The following NRIP3 variants were observed in gnomAD, a reference collection of about 807,000 sequenced individuals.
NRIP3 encodes the protein nuclear receptor-interacting protein 3.
NRIP3 carries 31 observed loss-of-function variants against 29.0 expected under a neutral mutation model. The observed-to-expected ratio is 1.07, with a 90% CI of 0.80 to 1.44. The LOEUF is 1.44. Ranked by LOEUF, NRIP3 falls within the 40% of genes most tolerant of loss-of-function variation. The pLI is 0.00. For missense variants in NRIP3, 314 were observed against 297.9 expected (o/e 1.05, Z -0.40); for synonymous variants, 131 against 118.3 (o/e 1.11, Z -0.70).
rs1379057700 is a variant in NRIP3 at position 8,988,256 on chromosome 11, G to A, written c.201C>T (p.Arg67=). The change falls in exon 2 of 7, where the codon CGC becomes CGT. Residue 67 remains arginine (R), a synonymous_variant. Coordinates refer to ENST00000309166, the MANE Select transcript of NRIP3 (RefSeq NM_020645.3). Reference sequence around the variant, plus strand: ...GCTTAGACAGGTTGGTTTCCATGAGGCGCCTCTGCAGAATATTATGAGGTT... The same window carrying A: ...GCTTAGACAGGTTGGTTTCCATGAGACGCCTCTGCAGAATATTATGAGGTT... ...DMQPHNILQR[R]LMETNLSKLR... is the part of the protein sequence containing the mutation. 49 of 1,614,010 alleles carry A rather than the reference G, an allele frequency of 3.0e-5. No homozygotes were observed. Among genetic ancestry groups the A allele is most frequent in the Non-Finnish European group, 4.1e-5 (48 of 1,180,006 alleles).
At chr11:8,993,974 A>G (rs760816208) in intron 1 of NRIP3, among the ~76,000 whole-genome samples, 1 of 152,168 alleles carries the variant, frequency 6.6e-6, no homozygotes, top group Non-Finnish European at 1.5e-5. Context: ...AAAATTTTAA[A>G]TAAAAATATA....
At chr11:8,990,252 A>T (rs1007239759) in intron 1 of NRIP3, among the ~76,000 whole-genome samples, 1 of 152,174 alleles carries the variant, frequency 6.6e-6, no homozygotes, top group African/African-American at 2.4e-5. Context: ...TTAAAAAAAG[A>T]CTAAACCATG....
chr11:8,982,883 T>C lies in NRIP3; in HGVS notation c.*662A>G. The C allele has an allele frequency of 2.2e-6, 1 of 444,520 alleles. No individual in the cohort carries two copies. The allele number at this position is 444,520 out of a possible 1,614,324, so 27.5% of individuals were successfully genotyped here. On this transcript the variant is annotated 3_prime_UTR_variant, in exon 7 of 7. Coordinates refer to ENST00000309166, the MANE Select transcript of NRIP3 (RefSeq NM_020645.3). ...ACCTCTTTGCCCTCCTGTTAAAGGC[T>C]TGAATACAAATGAGGCAGCATGGGA...
chr11:9,004,040 G>A, upstream of NRIP3: 1 of 1,167,332 alleles, frequency 8.6e-7, no homozygotes. Flanking sequence ...ATAGCCGAGC[G>A]TGACGTCGCG....
intron 1 of NRIP3, among the ~76,000 whole-genome samples, chr11:8,989,272 T>TCTTA (rs1854562273): frequency 6.6e-6 from 1 of 152,012 alleles, no homozygotes; most frequent in Non-Finnish European, 1.5e-5. Flanking sequence ...CTGGAGAAAT[T>TCTTA]TGTATACACA....
At chr11:9,000,977 G>A (rs1007699491) in intron 1 of NRIP3, among the ~76,000 whole-genome samples, 3 of 152,052 alleles carry the variant, frequency 2.0e-5, no homozygotes, top group Non-Finnish European at 4.4e-5. Context: ...GTTGAGGTGG[G>A]AGGATCTCTT....
In NRIP3 at chr11:8,985,777, C is replaced by T. The variant is rs1360698161; in HGVS notation, c.496G>A (p.Gly166Ser). The T allele has an allele frequency of 6.2e-7, 1 of 1,613,958 alleles. No individual in the cohort carries two copies. Among genetic ancestry groups the T allele is most frequent in the African/African-American group, 1.3e-5 (1 of 74,892 alleles). ...LSLPRHLKVV[G>S]QIEHLVITLG... ...GTGATCACTAGGTGCTCAATCTGGCCCACTACTTTGAGATGCCGGGGTAGA... is the reference window on the plus strand; with the variant it reads ...GTGATCACTAGGTGCTCAATCTGGCTCACTACTTTGAGATGCCGGGGTAGA... Residue 166 changes from glycine to serine, a missense_variant, in exon 4 of 7, where the codon GGC (glycine) becomes AGC (serine). Gly to Ser is a moderately conservative substitution (Grantham distance 56). Transcript: ENST00000309166.
intron 1 of NRIP3, among the ~76,000 whole-genome samples, chr11:8,994,375 T>A (rs1359231546): frequency 6.6e-6 from 1 of 152,222 alleles, no homozygotes; most frequent in Non-Finnish European, 1.5e-5. Flanking sequence ...TTAGCTTTTA[T>A]AATCTCTATA....
At chr11:8,994,395 A>G (rs895723510) in intron 1 of NRIP3, among the ~76,000 whole-genome samples, 1 of 152,268 alleles carries the variant, frequency 6.6e-6, no homozygotes, top group African/African-American at 2.4e-5. Flanking sequence ...AGAGGAGTTC[A>G]GCATAAAGAA....
At chr11:8,995,029 A>G (rs1854676308) in intron 1 of NRIP3, among the ~76,000 whole-genome samples, 1 of 151,012 alleles carries the variant, frequency 6.6e-6, no homozygotes, top group Non-Finnish European at 1.5e-5. Context: ...TTTCTATCAA[A>G]CTTGCGCATT....
intron 3 of NRIP3, 74 bp downstream of exon 3, chr11:8,987,472 ATC>A: frequency 9.5e-7 from 1 of 1,058,160 alleles, no homozygotes; most frequent in East Asian, 2.4e-5. Flanking sequence ...GACCCTCACC[ATC>A]TCTAACCATA....
At chr11:8,983,595 C>A in intron 6 of NRIP3, 35 bp from the exon 7 acceptor site, 1 of 1,604,874 alleles carries the variant, frequency 6.2e-7, no homozygotes, top group South Asian at 1.1e-5. Context: ...AGAAATAATG[C>A]CAAATTCAAA....
intron 3 of NRIP3, 58 bp downstream of exon 3, chr11:8,987,488 TAG>T: frequency 8.3e-7 from 1 of 1,202,404 alleles, no homozygotes. Flanking sequence ...AACCATAAAA[TAG>T]AGTCAAGCGA....
intron 1 of NRIP3, among the ~76,000 whole-genome samples, chr11:8,998,414 C>A (rs1454869750): frequency 2.0e-5 from 3 of 152,190 alleles, no homozygotes; most frequent in African/African-American, 7.2e-5. Context: ...CTCACGGAGG[C>A]TGCATTTTGT....
At chr11:9,002,541 T>TTTTTG (rs1425585653) in intron 1 of NRIP3, among the ~76,000 whole-genome samples, 11 of 150,102 alleles carry the variant, frequency 7.3e-5, no homozygotes, top group Non-Finnish European at 1.3e-4. Context: ...TTTTTGTATA[T>TTTTTG]TATATTATAC....
intron 1 of NRIP3, among the ~76,000 whole-genome samples, chr11:8,994,133 C>G (rs1228926018): frequency 6.6e-6 from 1 of 152,170 alleles, no homozygotes; most frequent in Non-Finnish European, 1.5e-5. Context: ...GCTATTGACT[C>G]TGTTAATTCT....
chr11:8,997,702 T>C (rs1289617424), intron 1 of NRIP3, among the ~76,000 whole-genome samples: 1 of 152,226 alleles, frequency 6.6e-6, no homozygotes, highest in African/African-American at 2.4e-5. Flanking sequence ...GCACCCACAC[T>C]GCTTAAACAT....
rs1358021818 is a variant in NRIP3 at position 8,988,206 on chromosome 11, C to A, written c.251G>T (p.Trp84Leu). ...ATTGAGTTTGTTCGTCTTAGAGGCC[C>A]AAGGGACACGGGGACCGCTTCGGAG... ...SKLRSGPRVPWASKTNKLNQA... is the reference protein window; with the variant it reads ...SKLRSGPRVPLASKTNKLNQA... The change falls in exon 2 of 7, where the codon TGG (tryptophan) becomes TTG (leucine). Residue 84 changes from tryptophan to leucine, a missense_variant. Physicochemically the swap from Trp to Leu is moderately conservative, Grantham distance 61. Coordinates refer to ENST00000309166, the MANE Select transcript of NRIP3 (RefSeq NM_020645.3). 2 of 1,614,116 alleles carry A rather than the reference C, an allele frequency of 1.2e-6. No individual in the cohort carries two copies. The highest frequency in any genetic ancestry group is 1.7e-6 in the Non-Finnish European group (2 of 1,180,000).
At chr11:8,999,574 A>T (rs1486701774) in intron 1 of NRIP3, among the ~76,000 whole-genome samples, 1 of 152,244 alleles carries the variant, frequency 6.6e-6, no homozygotes, top group East Asian at 1.9e-4. Flanking sequence ...AATAAAAAAA[A>T]TAATAATTTT....
Sources: allele counts gnomAD v4.1 joint callset (sites outside exome capture counted in the v4.1 genomes callset), GRCh38; gene constraint gnomAD v4.1.1; transcripts MANE v1.5; gene names NCBI Gene and HGNC (gene_info 2026-07-23, HGNC 2026-07-21).